Variants in OXR1 observed in about 807,000 individuals in gnomAD.
OXR1 encodes oxidation resistance 1, also known as oxidation resistance protein 1.
Under a neutral mutation model 104.6 loss-of-function variants are expected in OXR1, and 41 were observed. The ratio of observed to expected loss-of-function variants is 0.39; its 90% CI spans 0.31 to 0.51. The LOEUF is 0.51. Ranked by LOEUF, OXR1 falls within the 20% of genes least tolerant of loss-of-function variation. OXR1 has a pLI of 0.77. For missense variants in OXR1, 955 were observed against 1,031.9 expected, an observed-to-expected ratio of 0.93 and a Z score of 1.02; for synonymous variants, 348 against 348.4, an observed-to-expected ratio of 1.00 and a Z score of 0.01.
intron 7 of OXR1, among the ~76,000 whole-genome samples, chr8:106,698,419 T>C (rs1830278340): frequency 6.6e-6 from 1 of 152,158 alleles, no homozygotes; most frequent in Non-Finnish European, 1.5e-5. Context: ...CTTGGTTCTG[T>C]AGGTTTATAG....
rs118141899 is a variant in OXR1, at chr8:106,406,762, A to G, written c.23+47126A>G. Among the ~76,000 whole-genome samples the G allele has an allele frequency of 1.1e-3, 164 of 152,324 alleles. 1 individual carries two copies. Among genetic ancestry groups the G allele is most frequent in the African/African-American group, 3.9e-3 (161 of 41,586 alleles). ...CAGTAAAACTACTCTGAATGATACT[A>G]TAATGGTGGATACCTGTCATTATAC... is the stretch of plus-strand genomic sequence containing the variant. On this transcript the variant is annotated intron_variant, in intron 2 of 16. Transcript: ENST00000517566.
chr8:106,580,876 A>T, intron 3 of OXR1: 1 of 471,594 alleles, frequency 2.1e-6, no homozygotes, highest in Non-Finnish European at 2.8e-6. Flanking sequence ...CCAGCCTTTC[A>T]AGTGTGTTCA....
At chr8:106,471,569 G>A (rs577238828) in intron 2 of OXR1, among the ~76,000 whole-genome samples, 53 of 151,764 alleles carry the variant, frequency 3.5e-4, no homozygotes, top group African/African-American at 1.3e-3. Flanking sequence ...AGTAACCATA[G>A]ACCTGGTGCT....
In OXR1 at chr8:106,359,499, A is replaced by G; in HGVS notation, c.-115A>G. On this transcript the variant is annotated 5_prime_UTR_variant, in exon 2 of 17. Transcript: ENST00000517566. ...AGGTCCTCTCAAACTGTGAGTAACT[A>G]AGTGGTTTGTGCATCATTCCAGAAG... 6 of 732,934 alleles carry G rather than the reference A, an allele frequency of 8.2e-6. No homozygotes were observed. The highest frequency in any genetic ancestry group is 1.5e-5 in the Non-Finnish European group (6 of 405,540). 45.4% of individuals were successfully genotyped at this position (732,934 alleles called of 1,614,324 possible). A position where few individuals can be genotyped will look rare whatever the true frequency, so the allele number is the denominator to read the frequency against.
At chr8:106,443,477 C>T (rs1344967355) in intron 2 of OXR1, among the ~76,000 whole-genome samples, 3 of 152,076 alleles carry the variant, frequency 2.0e-5, no homozygotes, top group Non-Finnish European at 4.4e-5. Flanking sequence ...AATTTTCTGT[C>T]TCGTTGATCT....
intron 3 of OXR1, among the ~76,000 whole-genome samples, chr8:106,526,861 A>T (rs1454383992): frequency 2.6e-5 from 4 of 152,118 alleles, no homozygotes; most frequent in Non-Finnish European, 4.4e-5. Context: ...GTCTCTTCAG[A>T]GTGGTTTAGG....
chr8:106,578,677 ATTT>A (rs1818020821), intron 3 of OXR1, among the ~76,000 whole-genome samples: 1 of 152,220 alleles, frequency 6.6e-6, no homozygotes. Flanking sequence ...AAGAAAAACA[ATTT>A]ACAGATTTAA....
At chr8:106,526,600 T>C (rs1813685537) in intron 3 of OXR1, among the ~76,000 whole-genome samples, 2 of 152,246 alleles carry the variant, frequency 1.3e-5, no homozygotes, top group Non-Finnish European at 1.5e-5. Flanking sequence ...TGGAGTGCAG[T>C]GGCGCAATCT....
At chr8:106,697,445 C>T (rs1830153648) in intron 7 of OXR1, 10 of 1,554,288 alleles carry the variant, frequency 6.4e-6, no homozygotes, top group Non-Finnish European at 8.9e-6. Flanking sequence ...GGTGTGGCAT[C>T]CAGTAGCCAG....
chr8:106,477,044 G>T (rs987083013), intron 2 of OXR1, among the ~76,000 whole-genome samples: 3 of 151,834 alleles, frequency 2.0e-5, no homozygotes, highest in Non-Finnish European at 4.4e-5. Flanking sequence ...TCCTGAAATG[G>T]TGGGCAACCC....
At chr8:106,676,109 T>G (rs1331141440) in intron 3 of OXR1, among the ~76,000 whole-genome samples, 1 of 152,164 alleles carries the variant, frequency 6.6e-6, no homozygotes, top group Non-Finnish European at 1.5e-5. Flanking sequence ...AAATCCTAGT[T>G]TTGTCAGAAA....
intron 2 of OXR1, among the ~76,000 whole-genome samples, chr8:106,426,529 C>T (rs890790390): frequency 1.8e-4 from 28 of 152,116 alleles, no homozygotes; most frequent in African/African-American, 6.3e-4. Flanking sequence ...GATATTTTTC[C>T]ATTGGGTCAT....
intron 1 of OXR1, among the ~76,000 whole-genome samples, chr8:106,287,744 A>C (rs1472419006): frequency 2.0e-5 from 3 of 152,192 alleles, no homozygotes; most frequent in Admixed American, 6.5e-5. Flanking sequence ...TTAATAAACT[A>C]TTGCCTTGGT....
chr8:106,400,777 A>G (rs926744552), intron 2 of OXR1, among the ~76,000 whole-genome samples: 5 of 152,206 alleles, frequency 3.3e-5, no homozygotes, highest in African/African-American at 9.6e-5. Flanking sequence ...CAGAGTATCT[A>G]ATTGCAATCT....
At chr8:106,467,319 A>G (rs539230445) in intron 2 of OXR1, among the ~76,000 whole-genome samples, 9 of 152,020 alleles carry the variant, frequency 5.9e-5, no homozygotes, top group African/African-American at 2.2e-4. Flanking sequence ...TGGAAGCTGT[A>G]TTCTGTGACT....
At chr8:106,421,326 G>T (rs550107381) in intron 2 of OXR1, among the ~76,000 whole-genome samples, 213 of 152,276 alleles carry the variant, frequency 1.4e-3, no homozygotes, top group Middle Eastern at 0.01. Flanking sequence ...ATTGACAAGT[G>T]TATCAGTTAT....
At chr8:106,536,046 C>T (rs886473864) in intron 3 of OXR1, among the ~76,000 whole-genome samples, 7 of 151,926 alleles carry the variant, frequency 4.6e-5, no homozygotes, top group Non-Finnish European at 1.0e-4. Context: ...CGATGAAACC[C>T]CATCTCTACT....
chr8:106,477,399 C>T (rs963445472), intron 2 of OXR1, among the ~76,000 whole-genome samples: 5 of 152,062 alleles, frequency 3.3e-5, no homozygotes, highest in Admixed American at 1.3e-4. Flanking sequence ...TATAGTAGTA[C>T]AGTACATACA....
At chr8:106,347,679 T>A (rs1033374295) in intron 1 of OXR1, among the ~76,000 whole-genome samples, 4 of 152,184 alleles carry the variant, frequency 2.6e-5, no homozygotes, top group African/African-American at 9.7e-5. Flanking sequence ...ATTGGGTTTA[T>A]TTTGCTTTTG....
Sources: gnomAD v4.1 joint callset for allele counts (sites outside exome capture counted in the v4.1 genomes callset) on GRCh38, gnomAD v4.1.1 for gene constraint, MANE v1.5 for transcripts, NCBI Gene and HGNC (gene_info 2026-07-23, HGNC 2026-07-21) for gene names.